Variants in MYO5C observed in about 807,000 individuals in gnomAD.
The protein encoded by MYO5C is unconventional myosin-Vc.
A neutral mutation model predicts 235.7 loss-of-function variants in MYO5C; 194 were observed. The observed-to-expected ratio is 0.82, with a 90% CI of 0.73 to 0.93. The LOEUF (loss-of-function observed/expected upper bound fraction) is 0.93. MYO5C is among the 40% of genes least tolerant of loss of function. The probability of loss-of-function intolerance (pLI) is 0.00; values close to 1 mark genes in which losing one functional copy is unlikely to be tolerated. For synonymous variants in MYO5C, 707 were observed against 754.8 expected (o/e 0.94, Z 1.04); for missense variants, 2,038 against 2,127.2 (o/e 0.96, Z 0.82).
At chr15:52,286,750 G>A (rs923897383) in intron 1 of MYO5C, among the ~76,000 whole-genome samples, 7 of 151,816 alleles carry the variant, frequency 4.6e-5, no homozygotes, top group Non-Finnish European at 8.8e-5. Context: ...CAGCATGCTC[G>A]TTGAGAGTCA....
chr15:52,262,342 C>A (rs912930226), intron 9 of MYO5C, among the ~76,000 whole-genome samples: 1 of 152,156 alleles, frequency 6.6e-6, no homozygotes, highest in African/African-American at 2.4e-5. Context: ...AATTTTAATT[C>A]CTCCTCCAAA....
intron 11 of MYO5C, among the ~76,000 whole-genome samples, chr15:52,253,969 T>C (rs1024756997): frequency 7.2e-6 from 1 of 139,354 alleles, no homozygotes; most frequent in African/African-American, 2.6e-5. Flanking sequence ...GAAAGAAAGT[T>C]TGGCTGGCAG....
intron 19 of MYO5C, 125 bp downstream of exon 19, chr15:52,244,231 C>T (rs972237048): frequency 2.4e-6 from 2 of 849,500 alleles, no homozygotes; most frequent in African/African-American, 3.4e-5. Context: ...ACAAAGGGGA[C>T]CCATGCACGT....
At chr15:52,289,132 C>A (rs1025143272) in intron 1 of MYO5C, among the ~76,000 whole-genome samples, 1 of 152,080 alleles carries the variant, frequency 6.6e-6, no homozygotes, top group Non-Finnish European at 1.5e-5. Context: ...CCCTCTCTTC[C>A]TCCTCCTCTT....
chr15:52,224,474 T>C (rs552483777), intron 28 of MYO5C, among the ~76,000 whole-genome samples: 1 of 152,272 alleles, frequency 6.6e-6, no homozygotes, highest in East Asian at 1.9e-4. Flanking sequence ...TTTGGGAAGT[T>C]GACAGTGGGG....
intron 33 of MYO5C, among the ~76,000 whole-genome samples, chr15:52,213,982 C>T (rs568325695): frequency 2.6e-5 from 4 of 152,236 alleles, no homozygotes; most frequent in African/African-American, 9.6e-5. Flanking sequence ...TAAAGCTGCT[C>T]TTCAAAGAGA....
chr15:52,252,801 G>A lies in MYO5C; in HGVS notation c.1536+516C>T, dbSNP rs115113301. Reference sequence around the variant, plus strand: ...AAAAAAAAAAAAATCCTTTAACCCCGAAACCTTATTAATCCTCACTTTGGG... The same window carrying A: ...AAAAAAAAAAAAATCCTTTAACCCCAAAACCTTATTAATCCTCACTTTGGG... On this transcript the variant is annotated intron_variant, in intron 12 of 40. Coordinates refer to ENST00000261839, the MANE Select transcript of MYO5C (RefSeq NM_018728.4). Among the ~76,000 whole-genome samples, 851 of 151,748 alleles carry A rather than the reference G, an allele frequency of 5.6e-3. 14 individuals carry two copies. Among genetic ancestry groups the A allele is most frequent in the African/African-American group, 0.02 (818 of 41,342 alleles).
intron 30 of MYO5C, among the ~76,000 whole-genome samples, chr15:52,220,744 T>C (rs1202113122): frequency 6.6e-6 from 1 of 151,754 alleles, no homozygotes; most frequent in Non-Finnish European, 1.5e-5. Flanking sequence ...GGAGAATCAC[T>C]TGAACCCGGG....
chr15:52,250,249 T>C (rs1487580939), intron 13 of MYO5C, among the ~76,000 whole-genome samples: 26 of 632 alleles, frequency 0.041, no homozygotes, highest in African/African-American at 0.047. Flanking sequence ...TTTCTTTTTC[T>C]TTTTTTTTTT....
Position 52,295,786 on chromosome 15 carries a change from C to T in MYO5C, c.-150G>A. 1 of 497,688 alleles carries T rather than the reference C, an allele frequency of 2.0e-6. No individual in the cohort carries two copies. The allele number at this position is 497,688 out of a possible 1,614,324, so 30.8% of individuals were successfully genotyped here. On this transcript the variant is annotated 5_prime_UTR_variant, in exon 1 of 41. Transcript: ENST00000261839. ...AAAGTTTTCCAACGGCCTCCTGTTC[C>T]CGTTCCCGAGTTGGCGGCGAGGGGA... is the stretch of plus-strand genomic sequence containing the variant.
chr15:52,290,907 G>A (rs948510224), intron 1 of MYO5C, among the ~76,000 whole-genome samples: 1 of 152,174 alleles, frequency 6.6e-6, no homozygotes, highest in African/African-American at 2.4e-5. Context: ...CAGTATTTGA[G>A]TAATCTTTAT....
At chr15:52,289,249 T>C (rs2037340269) in intron 1 of MYO5C, among the ~76,000 whole-genome samples, 1 of 151,870 alleles carries the variant, frequency 6.6e-6, no homozygotes, top group African/African-American at 2.4e-5. Context: ...ATAGGCTGTT[T>C]CTGGAGAGTT....
intron 3 of MYO5C, 42 bp from the exon 4 acceptor site, chr15:52,279,059 C>A (rs1347716255): frequency 6.4e-7 from 1 of 1,557,194 alleles, no homozygotes; most frequent in Non-Finnish European, 8.7e-7. Flanking sequence ...CTCTTACTGC[C>A]ACCTGCATCT....
intron 39 of MYO5C, 150 bp downstream of exon 39, chr15:52,196,159 A>G: frequency 1.7e-6 from 1 of 588,214 alleles, no homozygotes; most frequent in Non-Finnish European, 2.8e-6. Context: ...AATATTTATT[A>G]GATAAAAGGG....
chr15:52,240,166 C>G (rs1473436043), intron 20 of MYO5C, among the ~76,000 whole-genome samples: 1 of 152,202 alleles, frequency 6.6e-6, no homozygotes, highest in Admixed American at 6.5e-5. Context: ...AAACCCATGT[C>G]CCAAGAAATT....
intron 1 of MYO5C, among the ~76,000 whole-genome samples, chr15:52,289,417 T>A (rs1456678835): frequency 6.6e-6 from 1 of 152,106 alleles, no homozygotes; most frequent in Non-Finnish European, 1.5e-5. Flanking sequence ...ACTCCAGTGA[T>A]GCCGACGCTC....
chr15:52,198,062 G>A (rs2035094736), intron 38 of MYO5C, among the ~76,000 whole-genome samples: 2 of 152,112 alleles, frequency 1.3e-5, no homozygotes, highest in Admixed American at 6.5e-5. Context: ...GCCAGGCATG[G>A]TGGCTCACGC....
chr15:52,238,314 G>A (rs181743768), intron 21 of MYO5C, among the ~76,000 whole-genome samples: 8 of 152,282 alleles, frequency 5.3e-5, no homozygotes, highest in Admixed American at 4.6e-4. Flanking sequence ...CTCAGGCAGC[G>A]TTGGGACTCC....
At chr15:52,276,742 A>G (rs1276678508) in intron 4 of MYO5C, among the ~76,000 whole-genome samples, 4 of 152,194 alleles carry the variant, frequency 2.6e-5, no homozygotes, top group African/African-American at 4.8e-5. Flanking sequence ...ATTATTCAAA[A>G]GATGCTTGGG....
Sources: allele counts gnomAD v4.1 joint callset (sites outside exome capture counted in the v4.1 genomes callset), GRCh38; gene constraint gnomAD v4.1.1; transcripts MANE v1.5; gene names NCBI Gene and HGNC (gene_info 2026-07-23, HGNC 2026-07-21).